Variants in ST6GALNAC3 observed in about 807,000 individuals in gnomAD.
The protein encoded by ST6GALNAC3 is ST6 N-acetylgalactosaminide alpha-2,6-sialyltransferase 3.
Under a neutral mutation model 32.7 loss-of-function variants are expected in ST6GALNAC3, and 25 were observed. The observed-to-expected ratio is 0.76, with a 90% confidence interval of 0.56 to 1.07. The LOEUF (loss-of-function observed/expected upper bound fraction) is 1.07, where lower values mean the gene tolerates loss of function less well. Ranked by LOEUF, ST6GALNAC3 falls within the 50% of genes least tolerant of loss-of-function variation. The probability of loss-of-function intolerance (pLI) is 0.00; values close to 1 mark genes in which losing one functional copy is unlikely to be tolerated. For missense variants in ST6GALNAC3, 355 were observed against 382.4 expected (o/e 0.93, Z 0.60); for synonymous variants, 129 against 133.1 (o/e 0.97, Z 0.21).
chr1:76,237,592 T>C (rs1359543898), intron 1 of ST6GALNAC3, among the ~76,000 whole-genome samples: 3 of 152,160 alleles, frequency 2.0e-5, no homozygotes, highest in African/African-American at 7.2e-5. Flanking sequence ...AGTCTAAAAA[T>C]TTGTAAGGTA....
At chr1:76,534,415 G>A (rs888061142) in intron 3 of ST6GALNAC3, among the ~76,000 whole-genome samples, 3 of 152,034 alleles carry the variant, frequency 2.0e-5, no homozygotes, top group African/African-American at 4.8e-5. Flanking sequence ...TTAACTCTTC[G>A]CTGTCTTCAT....
chr1:76,272,460 A>G (rs1466119281), intron 1 of ST6GALNAC3, among the ~76,000 whole-genome samples: 1 of 152,172 alleles, frequency 6.6e-6, no homozygotes, highest in East Asian at 1.9e-4. Context: ...GGGGTCTTAC[A>G]AAGTTTATTG....
Position 76,627,557 on chromosome 1 carries a change from C to A in ST6GALNAC3, c.729C>A (p.Cys243Ter). ...ACGGGATGATAAATGACACCTACTG[C>A]AAGTAAGATCACAAGAAATTATTTT... ...HVYGMINDTY[C>*]KTEGYRKVPY... Residue 243 changes from cysteine (C) to a stop codon, truncating the protein, a stop_gained and splice_region_variant, in exon 4 of 5, where the codon TGC (cysteine) becomes TGA (stop). Coordinates refer to ENST00000328299, the MANE Select transcript of ST6GALNAC3 (RefSeq NM_152996.4). LOFTEE classifies it high-confidence loss of function. 6.2e-7 allele frequency: 1 copy of A among 1,603,964 alleles called. No individual in the cohort carries two copies. The highest frequency in any genetic ancestry group is 8.5e-7 in the Non-Finnish European group (1 of 1,171,532).
intron 1 of ST6GALNAC3, among the ~76,000 whole-genome samples, chr1:76,131,872 G>C (rs1210224116): frequency 6.6e-6 from 1 of 152,132 alleles, no homozygotes; most frequent in Non-Finnish European, 1.5e-5. Context: ...TCCTGCAGGT[G>C]ACCCTGGTTT....
Position 76,342,747 on chromosome 1 carries a change from T to A in ST6GALNAC3, c.213+28748T>A, listed in dbSNP as rs184915801. 6.7e-3 allele frequency among the ~76,000 whole-genome samples: 1,023 copies of A among 152,208 alleles called. 3 individuals carry two copies. Among genetic ancestry groups the A allele is most frequent in the African/African-American group, 0.023 (945 of 41,556 alleles). On this transcript the variant is annotated intron_variant, in intron 2 of 4. Coordinates refer to ENST00000328299, the MANE Select transcript of ST6GALNAC3 (RefSeq NM_152996.4). ...CAACCTCACTAATATCTGTTTTTTT[T>A]AATTTTTTATAGTAGCCATTCTGAT... is the stretch of plus-strand genomic sequence containing the variant.
intron 3 of ST6GALNAC3, among the ~76,000 whole-genome samples, chr1:76,457,291 C>T (rs1250136103): frequency 2.6e-5 from 4 of 152,022 alleles, no homozygotes; most frequent in African/African-American, 7.2e-5. Context: ...AGGTAATTTA[C>T]AGATTCAATG....
chr1:76,240,895 C>G (rs1656922714), intron 1 of ST6GALNAC3, among the ~76,000 whole-genome samples: 2 of 152,170 alleles, frequency 1.3e-5, no homozygotes. Flanking sequence ...TTGTAAGGTA[C>G]TTTTGAAAGA....
chr1:76,347,359 C>A (rs797001676), intron 2 of ST6GALNAC3, among the ~76,000 whole-genome samples: 3 of 152,060 alleles, frequency 2.0e-5, no homozygotes, highest in South Asian at 4.2e-4. Context: ...ATTCATCCAC[C>A]CACCCACTTA....
At chr1:76,528,230 A>ACT (rs1309901739) in intron 3 of ST6GALNAC3, among the ~76,000 whole-genome samples, 1 of 152,194 alleles carries the variant, frequency 6.6e-6, no homozygotes, top group African/African-American at 2.4e-5. Context: ...TGTCCCTGGC[A>ACT]CTGGGCTAAG....
intron 3 of ST6GALNAC3, among the ~76,000 whole-genome samples, chr1:76,532,910 C>T (rs1557538264): frequency 1.3e-5 from 2 of 152,080 alleles, no homozygotes; most frequent in South Asian, 2.1e-4. Flanking sequence ...TCATTTCAGA[C>T]CTCAGAGACT....
chr1:76,090,790 G>A (rs547208457), intron 1 of ST6GALNAC3, among the ~76,000 whole-genome samples: 3 of 152,186 alleles, frequency 2.0e-5, no homozygotes, highest in Non-Finnish European at 2.9e-5. Flanking sequence ...TTTGGGGGCT[G>A]GTGGGACATT....
chr1:76,500,903 G>A (rs1661139481), intron 3 of ST6GALNAC3, among the ~76,000 whole-genome samples: 1 of 152,060 alleles, frequency 6.6e-6, no homozygotes, highest in Non-Finnish European at 1.5e-5. Flanking sequence ...TATTTACAGT[G>A]AACCCATTTG....
rs190277857 is a variant in ST6GALNAC3 at position 76,520,989 on chromosome 1, T to A, written c.624-106463T>A. ...GCCTACCTGATCTTTTTTAAATGCCTTTGGTTTTTCTTTCTTTTAGATTAA... is the reference window on the plus strand; with the variant it reads ...GCCTACCTGATCTTTTTTAAATGCCATTGGTTTTTCTTTCTTTTAGATTAA... On this transcript the variant is annotated intron_variant, in intron 3 of 4. Coordinates refer to ENST00000328299, the MANE Select transcript of ST6GALNAC3 (RefSeq NM_152996.4). 3.8e-3 allele frequency among the ~76,000 whole-genome samples: 581 copies of A among 152,236 alleles called. 2 individuals are homozygous for A. The highest frequency in any genetic ancestry group is 0.013 in the African/African-American group (541 of 41,574).
At chr1:76,146,840 G>A (rs1650712649) in intron 1 of ST6GALNAC3, among the ~76,000 whole-genome samples, 1 of 152,138 alleles carries the variant, frequency 6.6e-6, no homozygotes, top group African/African-American at 2.4e-5. Flanking sequence ...TCTCATTTCT[G>A]AATTTATTTC....
intron 3 of ST6GALNAC3, among the ~76,000 whole-genome samples, chr1:76,451,319 A>T (rs1464550822): frequency 2.6e-5 from 4 of 152,168 alleles, no homozygotes; most frequent in African/African-American, 9.7e-5. Context: ...GAGCAAAGGC[A>T]TGTCTTACAT....
At chr1:76,533,072 T>C (rs1168561356) in intron 3 of ST6GALNAC3, among the ~76,000 whole-genome samples, 1 of 152,166 alleles carries the variant, frequency 6.6e-6, no homozygotes, top group Non-Finnish European at 1.5e-5. Flanking sequence ...CAGAATGTGC[T>C]GTGTACCAGT....
intron 3 of ST6GALNAC3, among the ~76,000 whole-genome samples, chr1:76,520,921 C>T (rs1662489840): frequency 6.6e-6 from 1 of 151,970 alleles, no homozygotes; most frequent in South Asian, 2.1e-4. Flanking sequence ...TGTTAATGTA[C>T]TTATTGATGT....
At chr1:76,528,496 A>G (rs546797909) in intron 3 of ST6GALNAC3, among the ~76,000 whole-genome samples, 1 of 152,302 alleles carries the variant, frequency 6.6e-6, no homozygotes, top group South Asian at 2.1e-4. Flanking sequence ...AGGATAAGCT[A>G]ATGCTAGAAA....
At chr1:76,132,506 G>T (rs928863849) in intron 1 of ST6GALNAC3, among the ~76,000 whole-genome samples, 32 of 152,166 alleles carry the variant, frequency 2.1e-4, no homozygotes, top group African/African-American at 7.2e-4. Context: ...TGTGGACAAA[G>T]GTCTTCAGTG....
Sources: gnomAD v4.1 joint callset for allele counts (sites outside exome capture counted in the v4.1 genomes callset) on GRCh38, gnomAD v4.1.1 for gene constraint, MANE v1.5 for transcripts, NCBI Gene and HGNC (gene_info 2026-07-23, HGNC 2026-07-21) for gene names.